Variants in INSYN2B observed in about 807,000 individuals in gnomAD.
INSYN2B encodes inhibitory synaptic factor family member 2B.
Under a neutral mutation model 41.2 loss-of-function variants are expected in INSYN2B, and 16 were observed. The ratio of observed to expected loss-of-function variants is 0.39; its 90% CI spans 0.26 to 0.59. The LOEUF is 0.59. INSYN2B is among the 20% of genes least tolerant of loss of function. The pLI, the probability that INSYN2B is intolerant of heterozygous loss-of-function variation, is 0.57. For missense variants in INSYN2B, 608 were observed against 646.4 expected (o/e 0.94, Z 0.64); for synonymous variants, 245 against 244.4 (o/e 1.00, Z -0.02).
chr5:169,929,571 T>TAAC (rs571979151), intron 1 of INSYN2B, among the ~76,000 whole-genome samples: 24 of 151,534 alleles, frequency 1.6e-4, no homozygotes, highest in Non-Finnish European at 2.4e-4. Flanking sequence ...ACCTTGTCTC[T>TAAC]AACAACAACA....
intron 3 of INSYN2B, 95 bp from the exon 4 acceptor site, chr5:169,864,554 G>A (rs1771418971): frequency 9.9e-7 from 1 of 1,014,256 alleles, no homozygotes; most frequent in Admixed American, 3.0e-5. Context: ...AAGAGCATGA[G>A]CTTTGGGATC....
intron 1 of INSYN2B, among the ~76,000 whole-genome samples, chr5:169,912,402 G>A (rs944496583): frequency 6.6e-6 from 1 of 152,106 alleles, no homozygotes; most frequent in Admixed American, 6.6e-5. Context: ...CAGGATTGTT[G>A]CTCTACTTGC....
chr5:169,959,259 G>T (rs1489187514), intron 1 of INSYN2B, among the ~76,000 whole-genome samples: 1 of 151,972 alleles, frequency 6.6e-6, no homozygotes, highest in Non-Finnish European at 1.5e-5. Context: ...TGGGCGTGGT[G>T]GTGCACGCCT....
intron 3 of INSYN2B, 36 bp downstream of exon 3, chr5:169,881,332 T>C (rs142073423): frequency 3.1e-5 from 48 of 1,526,780 alleles, no homozygotes; most frequent in Middle Eastern, 1.7e-4. Context: ...TATGGCTTTA[T>C]GGTCTACAGA....
intron 1 of INSYN2B, among the ~76,000 whole-genome samples, chr5:169,886,558 T>G (rs960175754): frequency 6.6e-6 from 1 of 152,220 alleles, no homozygotes; most frequent in African/African-American, 2.4e-5. Flanking sequence ...GTTATTTTCA[T>G]TAATAGTAAC....
chr5:169,958,951 T>C (rs1246287294), intron 1 of INSYN2B, among the ~76,000 whole-genome samples: 2 of 152,220 alleles, frequency 1.3e-5, no homozygotes, highest in Non-Finnish European at 2.9e-5. Flanking sequence ...GGCTAAGGAA[T>C]GAGGCAGGTT....
chr5:169,963,593 C>T (rs77082129), intron 1 of INSYN2B, among the ~76,000 whole-genome samples: 3,432 of 152,250 alleles, frequency 0.023, 58 homozygotes, highest in Non-Finnish European at 0.034. Flanking sequence ...CTTACACAGC[C>T]GTTCCCCTCC....
chr5:169,896,134 TG>T (rs1262960793), intron 1 of INSYN2B, among the ~76,000 whole-genome samples: 1 of 150,666 alleles, frequency 6.6e-6, no homozygotes, highest in African/African-American at 2.5e-5. Context: ...TCCCAGAGCG[TG>T]CAGGCAGATG....
At chr5:169,864,552 G>A in intron 3 of INSYN2B, 93 bp from the exon 4 acceptor site, 1 of 1,021,716 alleles carries the variant, frequency 9.8e-7, no homozygotes, top group South Asian at 1.7e-5. Flanking sequence ...GGAAGAGCAT[G>A]AGCTTTGGGA....
chr5:169,921,271 A>T (rs1468177909), intron 1 of INSYN2B, among the ~76,000 whole-genome samples: 1 of 152,256 alleles, frequency 6.6e-6, no homozygotes, highest in East Asian at 1.9e-4. Flanking sequence ...ATTCAAGATC[A>T]TCACTTCCTA....
At chr5:169,944,989 CAA>C (rs913251314) in intron 1 of INSYN2B, among the ~76,000 whole-genome samples, 22 of 152,220 alleles carry the variant, frequency 1.4e-4, no homozygotes, top group African/African-American at 4.1e-4. Context: ...GAATGGCTGG[CAA>C]ATACCTCTAG....
At chr5:169,934,569 C>G in intron 1 of INSYN2B, 1 of 451,498 alleles carries the variant, frequency 2.2e-6, no homozygotes, top group Non-Finnish European at 4.5e-6. Flanking sequence ...ACACCTGGAT[C>G]TAAATCCTGC....
chr5:169,889,798 C>G (rs1182951841), intron 1 of INSYN2B, among the ~76,000 whole-genome samples: 2 of 152,170 alleles, frequency 1.3e-5, no homozygotes, highest in Admixed American at 1.3e-4. Flanking sequence ...AAATATGCAA[C>G]TGAATGGATT....
chr5:169,931,448 T>C (rs1288051678), intron 1 of INSYN2B, among the ~76,000 whole-genome samples: 1 of 152,228 alleles, frequency 6.6e-6, no homozygotes, highest in East Asian at 1.9e-4. Flanking sequence ...AGAAACTCTT[T>C]CCACCTATCC....
intron 1 of INSYN2B, among the ~76,000 whole-genome samples, chr5:169,972,629 T>TA (rs200176755): frequency 5.3e-5 from 8 of 151,036 alleles, no homozygotes; most frequent in African/African-American, 1.5e-4. Flanking sequence ...GATAGATAGA[T>TA]GATAGGTGGA....
intron 1 of INSYN2B, among the ~76,000 whole-genome samples, chr5:169,922,038 A>G (rs1160165944): frequency 1.3e-5 from 2 of 152,210 alleles, no homozygotes; most frequent in Non-Finnish European, 2.9e-5. Flanking sequence ...GAGCTTTTCC[A>G]TGACTCAAAT....
chr5:169,962,652 A>T (rs2113748331), intron 1 of INSYN2B, among the ~76,000 whole-genome samples: 1 of 152,280 alleles, frequency 6.6e-6, no homozygotes, highest in East Asian at 1.9e-4. Flanking sequence ...ACCTCTAGGA[A>T]CGTATTGTCT....
intron 1 of INSYN2B, among the ~76,000 whole-genome samples, chr5:169,936,213 T>C (rs1040526864): frequency 4.6e-5 from 7 of 152,182 alleles, no homozygotes; most frequent in African/African-American, 1.4e-4. Flanking sequence ...AGCAGAGGCA[T>C]TTTTGAGGCC....
chr5:169,967,694 G>A lies in INSYN2B; in HGVS notation c.-919+12583C>T, dbSNP rs540354422. Among the ~76,000 whole-genome samples the A allele has an allele frequency of 5.3e-5, 8 of 152,262 alleles. 2 individuals carry two copies. In the South Asian group the frequency reaches 1.7e-3, roughly 32 times the overall value. On this transcript the variant is annotated intron_variant, in intron 1 of 3. Transcript: ENST00000377365. ...CTGCAACAGGGAGAATTGATTAGAGGGGCCAGAGTGGGAAGCAGGGGGTGC... is the reference window on the plus strand; with the variant it reads ...CTGCAACAGGGAGAATTGATTAGAGAGGCCAGAGTGGGAAGCAGGGGGTGC...
Sources: gnomAD v4.1 joint callset for allele counts (sites outside exome capture counted in the v4.1 genomes callset) on GRCh38, gnomAD v4.1.1 for gene constraint, MANE v1.5 for transcripts, NCBI Gene and HGNC (gene_info 2026-07-23, HGNC 2026-07-21) for gene names.